Variants in ANK3 observed in about 807,000 individuals in gnomAD.
The protein encoded by ANK3 is ankyrin 3, also known as ankyrin-3.
ANK3 carries 57 observed loss-of-function variants against 370.9 expected under a neutral mutation model. The ratio of observed to expected loss-of-function variants is 0.15; its 90% CI spans 0.12 to 0.19. The LOEUF (loss-of-function observed/expected upper bound fraction) is 0.19, where lower values mean the gene tolerates loss of function less well. Ranked by LOEUF, ANK3 falls within the 10% of genes least tolerant of loss-of-function variation. The pLI is 1.00. For synonymous variants in ANK3, 1,929 were observed against 1,946.3 expected, an observed-to-expected ratio of 0.99 and a Z score of 0.23; for missense variants, 4,439 against 5,302.1, an observed-to-expected ratio of 0.84 and a Z score of 5.06.
intron 25 of ANK3, among the ~76,000 whole-genome samples, chr10:60,115,141 G>A (rs1044746545): frequency 5.9e-5 from 9 of 152,254 alleles, no homozygotes; most frequent in African/African-American, 2.2e-4. Context: ...TGGCAGTAAT[G>A]AGAAAATGAC....
At chr10:60,400,714 T>C (rs566722503) in intron 2 of ANK3, among the ~76,000 whole-genome samples, 21 of 152,340 alleles carry the variant, frequency 1.4e-4, no homozygotes, top group Admixed American at 7.2e-4. Context: ...ATTTATTTTT[T>C]AATTTTTAAG....
rs554089681 is a variant in ANK3 at position 60,481,191 on chromosome 10, A to G, written c.96+133995T>C. On this transcript the variant is annotated intron_variant, in intron 2 of 43. Coordinates refer to the ANK3 transcript ENST00000373827. Reference sequence around the variant, plus strand: ...AACAACAGAGGATACTGTTTGTCAAACAGTAGCAAGGAGTACTTTACTGCT... The same window carrying G: ...AACAACAGAGGATACTGTTTGTCAAGCAGTAGCAAGGAGTACTTTACTGCT... 3.3e-5 allele frequency among the ~76,000 whole-genome samples: 5 copies of G among 152,300 alleles called. No individual in the cohort carries two copies. In the East Asian group the frequency reaches 9.6e-4, roughly 29 times the overall value.
intron 7 of ANK3, among the ~76,000 whole-genome samples, chr10:60,259,142 G>C (rs934926799): frequency 6.6e-6 from 1 of 152,198 alleles, no homozygotes; most frequent in African/African-American, 2.4e-5. Context: ...TAATATGAAA[G>C]TGGAGATGCT....
At chr10:60,242,969 C>G (rs2097492148) in intron 7 of ANK3, among the ~76,000 whole-genome samples, 1 of 152,062 alleles carries the variant, frequency 6.6e-6, no homozygotes, top group Admixed American at 6.6e-5. Flanking sequence ...TTCGCTAGAC[C>G]AGGTCATGCT....
At chr10:60,666,777 G>T (rs141153258) in intron 1 of ANK3, among the ~76,000 whole-genome samples, 4 of 152,258 alleles carry the variant, frequency 2.6e-5, no homozygotes, top group Admixed American at 6.5e-5. Context: ...GGAGAAGGAA[G>T]GAAAAAGGTG....
At chr10:60,176,684 G>A (rs572834444) in intron 18 of ANK3, among the ~76,000 whole-genome samples, 3 of 152,068 alleles carry the variant, frequency 2.0e-5, no homozygotes, top group African/African-American at 7.2e-5. Context: ...GCCTGAATCC[G>A]GGAGGTAGAG....
At chr10:60,153,971 G>A (rs1482937311) in intron 23 of ANK3, among the ~76,000 whole-genome samples, 4 of 152,108 alleles carry the variant, frequency 2.6e-5, no homozygotes, top group Admixed American at 6.5e-5. Context: ...TGATGCAACC[G>A]ATCAAACATG....
chr10:60,469,031 G>GTGTA (rs1392579640), intron 2 of ANK3, among the ~76,000 whole-genome samples: 2 of 11,622 alleles, frequency 1.7e-4, no homozygotes, highest in African/African-American at 7.2e-4. Context: ...CACTTTTAGT[G>GTGTA]TATATATATA....
At chr10:60,154,347 T>G (rs530463910) in intron 23 of ANK3, among the ~76,000 whole-genome samples, 4 of 152,300 alleles carry the variant, frequency 2.6e-5, no homozygotes, top group Non-Finnish European at 5.9e-5. Flanking sequence ...TTATTTAGAA[T>G]GATTAGGAAA....
chr10:60,119,646 C>T (rs1363669974), intron 25 of ANK3, among the ~76,000 whole-genome samples: 1 of 152,076 alleles, frequency 6.6e-6, no homozygotes, highest in Non-Finnish European at 1.5e-5. Context: ...GTGGCATGCA[C>T]CTGTAATCCC....
chr10:60,040,568 TG>T (rs374766146), intron 43 of ANK3, among the ~76,000 whole-genome samples: 1 of 152,218 alleles, frequency 6.6e-6, no homozygotes, highest in African/African-American at 2.4e-5. Context: ...CTTTGAGTGG[TG>T]CAGCAAGTGA....
Position 60,221,529 on chromosome 10 carries a change from A to G in ANK3, c.898-8019T>C, listed in dbSNP as rs117337450. Among the ~76,000 whole-genome samples, 1,441 of 152,334 alleles carry G rather than the reference A, an allele frequency of 9.5e-3. 10 individuals carry two copies. The highest frequency in any genetic ancestry group is 0.031 in the Middle Eastern group (9 of 294). On this transcript the variant is annotated intron_variant, in intron 8 of 43. Transcript: ENST00000280772. Reference sequence around the variant, plus strand: ...ATGGTCAGTCATGACTCATCTATATACTGACCAAAAGTCAAACCCTTTTCT... The same window carrying G: ...ATGGTCAGTCATGACTCATCTATATGCTGACCAAAAGTCAAACCCTTTTCT...
intron 4 of ANK3, among the ~76,000 whole-genome samples, chr10:60,274,203 C>T (rs1279239557): frequency 6.6e-6 from 1 of 152,030 alleles, no homozygotes; most frequent in Non-Finnish European, 1.5e-5. Flanking sequence ...CAAATTCTGG[C>T]CTCAAGTGAT....
intron 1 of ANK3, among the ~76,000 whole-genome samples, chr10:60,335,400 G>C (rs2052584411): frequency 6.6e-6 from 1 of 151,630 alleles, no homozygotes. Context: ...TTTTCTGGTA[G>C]GCTTTAACCA....
chr10:60,466,637 T>C (rs375581566), intron 2 of ANK3, among the ~76,000 whole-genome samples: 10 of 152,324 alleles, frequency 6.6e-5, no homozygotes, highest in African/African-American at 2.4e-4. Context: ...GCAGTAATTA[T>C]TCATGGCGGG....
intron 2 of ANK3, among the ~76,000 whole-genome samples, chr10:60,400,342 T>C (rs919529095): frequency 1.3e-5 from 2 of 152,208 alleles, no homozygotes; most frequent in African/African-American, 4.8e-5. Flanking sequence ...GGAATAAGAA[T>C]GCTGATTCGG....
At chr10:60,250,592 C>A (rs552205084) in intron 7 of ANK3, among the ~76,000 whole-genome samples, 1 of 152,168 alleles carries the variant, frequency 6.6e-6, no homozygotes, top group Non-Finnish European at 1.5e-5. Flanking sequence ...GTCTCGATCT[C>A]CTGACCTTGT....
intron 9 of ANK3, among the ~76,000 whole-genome samples, chr10:60,211,749 T>C (rs2096857524): frequency 3.3e-5 from 5 of 152,044 alleles, no homozygotes; most frequent in Admixed American, 1.3e-4. Context: ...AAAGGGAACC[T>C]AATTGTGACA....
At chr10:60,615,373 T>C (rs1387292894) in intron 1 of ANK3, 3 of 436,666 alleles carry the variant, frequency 6.9e-6, no homozygotes, top group Non-Finnish European at 1.2e-5. Context: ...ATAGAGGAAA[T>C]AAGATGAATT....
Sources: allele counts gnomAD v4.1 joint callset (sites outside exome capture counted in the v4.1 genomes callset), GRCh38; gene constraint gnomAD v4.1.1; transcripts MANE v1.5; gene names NCBI Gene and HGNC (gene_info 2026-07-23, HGNC 2026-07-21).